Variants in PXDNL observed in about 807,000 individuals in gnomAD.
PXDNL encodes probable oxidoreductase PXDNL.
A neutral mutation model predicts 150.8 loss-of-function variants in PXDNL; 145 were observed. The ratio of observed to expected loss-of-function variants is 0.96; its 90% CI spans 0.84 to 1.10. PXDNL has a LOEUF of 1.10. Ranked by LOEUF, PXDNL falls within the 50% of genes least tolerant of loss-of-function variation. The probability of loss-of-function intolerance (pLI) is 0.00; values close to 1 mark genes in which losing one functional copy is unlikely to be tolerated. For missense variants in PXDNL, 2,087 were observed against 1,873.9 expected (o/e 1.11, Z -2.10); for synonymous variants, 757 against 725.7 (o/e 1.04, Z -0.69).
At chr8:51,615,967 C>G (rs1159315587) in intron 2 of PXDNL, among the ~76,000 whole-genome samples, 4 of 152,162 alleles carry the variant, frequency 2.6e-5, no homozygotes, top group Non-Finnish European at 5.9e-5. Context: ...CACCTGCCCT[C>G]CACCACCCAG....
At chr8:51,364,934 A>AT (rs376497146) in intron 19 of PXDNL, among the ~76,000 whole-genome samples, 1,914 of 151,466 alleles carry the variant, frequency 0.013, 35 homozygotes, top group African/African-American at 0.044. Context: ...AACAGACTTT[A>AT]TTTTTTTTTC....
intron 6 of PXDNL, among the ~76,000 whole-genome samples, chr8:51,476,492 T>C (rs1810478683): frequency 6.6e-6 from 1 of 152,240 alleles, no homozygotes; most frequent in African/African-American, 2.4e-5. Context: ...CATTTCTTTA[T>C]GGTGTTTCCT....
chr8:51,552,598 G>A (rs111685684), intron 4 of PXDNL, among the ~76,000 whole-genome samples: 3,903 of 152,236 alleles, frequency 0.026, 88 homozygotes, highest in African/African-American at 0.059. Context: ...GCCAAATATC[G>A]TAGGTTCTCA....
intron 2 of PXDNL, among the ~76,000 whole-genome samples, chr8:51,643,268 C>T (rs1031780059): frequency 2.6e-5 from 4 of 152,208 alleles, no homozygotes; most frequent in African/African-American, 4.8e-5. Context: ...AAGCTGGAGG[C>T]ATCACCCTAC....
chr8:51,597,878 C>T (rs1448059835), intron 2 of PXDNL, among the ~76,000 whole-genome samples: 1 of 151,984 alleles, frequency 6.6e-6, no homozygotes, highest in Non-Finnish European at 1.5e-5. Flanking sequence ...CCATGCCTGG[C>T]TAATTTTGTA....
intron 4 of PXDNL, among the ~76,000 whole-genome samples, chr8:51,526,650 C>T (rs991153864): frequency 6.6e-6 from 1 of 152,212 alleles, no homozygotes; most frequent in Admixed American, 6.5e-5. Context: ...GCACACAACA[C>T]ATCCCTCTGA....
At chr8:51,704,211 A>G (rs1247525946) in intron 1 of PXDNL, among the ~76,000 whole-genome samples, 3 of 152,336 alleles carry the variant, frequency 2.0e-5, no homozygotes, top group African/African-American at 7.2e-5. Flanking sequence ...TTTAAGTTTT[A>G]TATGTTTTAA....
intron 1 of PXDNL, among the ~76,000 whole-genome samples, chr8:51,757,000 G>T (rs938509399): frequency 1.3e-5 from 2 of 152,058 alleles, no homozygotes; most frequent in Non-Finnish European, 2.9e-5. Flanking sequence ...ACTTCTTTTT[G>T]TCAAATAGTA....
chr8:51,341,235 T>G (rs1563365092), intron 20 of PXDNL, among the ~76,000 whole-genome samples: 2 of 152,216 alleles, frequency 1.3e-5, no homozygotes, highest in Non-Finnish European at 2.9e-5. Flanking sequence ...AGGTATAACC[T>G]TGTATTTATA....
At chr8:51,441,345 C>A (rs1234492721) in intron 12 of PXDNL, among the ~76,000 whole-genome samples, 1 of 152,118 alleles carries the variant, frequency 6.6e-6, no homozygotes, top group Non-Finnish European at 1.5e-5. Context: ...AATACAAGGT[C>A]CTTCATTTTC....
intron 19 of PXDNL, among the ~76,000 whole-genome samples, chr8:51,369,294 C>A (rs10098829): frequency 0.012 from 1,830 of 152,222 alleles, 30 homozygotes; most frequent in African/African-American, 0.041. Flanking sequence ...CCTGAAACTA[C>A]GGAGCCACAG....
At chr8:51,550,224 C>T (rs1023786517) in intron 4 of PXDNL, among the ~76,000 whole-genome samples, 1 of 152,086 alleles carries the variant, frequency 6.6e-6, no homozygotes, top group Non-Finnish European at 1.5e-5. Context: ...AGTCCAGGAC[C>T]AGATGGATTC....
chr8:51,370,287 G>A (rs1014459369), intron 19 of PXDNL, among the ~76,000 whole-genome samples: 2 of 152,128 alleles, frequency 1.3e-5, no homozygotes, highest in African/African-American at 4.8e-5. Flanking sequence ...CGGAGCCATT[G>A]CTTCCTTGCA....
At chr8:51,586,237 A>T (rs1399563211) in intron 3 of PXDNL, among the ~76,000 whole-genome samples, 1 of 152,204 alleles carries the variant, frequency 6.6e-6, no homozygotes, top group Non-Finnish European at 1.5e-5. Context: ...TGTGTGAACA[A>T]GCACAATCTA....
At chr8:51,581,574 T>C (rs2130627482) in intron 3 of PXDNL, among the ~76,000 whole-genome samples, 1 of 151,822 alleles carries the variant, frequency 6.6e-6, no homozygotes, top group South Asian at 2.1e-4. Flanking sequence ...AGAAATGAAA[T>C]AAGTTATCTT....
At chr8:51,686,261 G>A (rs958007142) in intron 1 of PXDNL, among the ~76,000 whole-genome samples, 10 of 152,176 alleles carry the variant, frequency 6.6e-5, no homozygotes, top group Non-Finnish European at 1.2e-4. Flanking sequence ...ACAGCCCAAA[G>A]CAATGGCTTG....
chr8:51,560,244 T>A (rs970797903), intron 3 of PXDNL, among the ~76,000 whole-genome samples: 1 of 151,998 alleles, frequency 6.6e-6, no homozygotes, highest in African/African-American at 2.4e-5. Context: ...CTACTCAAAG[T>A]GATCTAAAAA....
At chr8:51,802,225 T>C (rs889386795) in intron 1 of PXDNL, among the ~76,000 whole-genome samples, 1 of 152,146 alleles carries the variant, frequency 6.6e-6, no homozygotes, top group Non-Finnish European at 1.5e-5. Flanking sequence ...AATTGCACAG[T>C]TAATGTTTCT....
chr8:51,754,913 C>A (rs936047936), intron 1 of PXDNL, among the ~76,000 whole-genome samples: 1 of 152,150 alleles, frequency 6.6e-6, no homozygotes, highest in Non-Finnish European at 1.5e-5. Flanking sequence ...TTTAGAGATG[C>A]GGTCTCACCA....
Sources: allele counts gnomAD v4.1 joint callset (sites outside exome capture counted in the v4.1 genomes callset), GRCh38; gene constraint gnomAD v4.1.1; transcripts MANE v1.5; gene names NCBI Gene and HGNC (gene_info 2026-07-23, HGNC 2026-07-21).